Variants in TSHR observed in about 807,000 individuals in gnomAD.
The protein encoded by TSHR is thyroid stimulating hormone receptor, also known as thyrotropin receptor.
A neutral mutation model predicts 64.1 loss-of-function variants in TSHR; 51 were observed. The observed-to-expected ratio is 0.80, with a 90% confidence interval of 0.64 to 1.01. The LOEUF is 1.01. Among genes scored for constraint, TSHR ranks in the 50% least tolerant of loss-of-function variants. The pLI, the probability that TSHR is intolerant of heterozygous loss-of-function variation, is 0.00. For synonymous variants in TSHR, 361 were observed against 361.9 expected (o/e 1.00, Z 0.03); for missense variants, 877 against 942.8 (o/e 0.93, Z 0.91).
intron 1 of TSHR, among the ~76,000 whole-genome samples, chr14:80,984,539 G>A (rs1319072008): frequency 6.6e-6 from 1 of 152,164 alleles, no homozygotes; most frequent in Non-Finnish European, 1.5e-5. Flanking sequence ...CAGCAGGCAG[G>A]TGGCATAGCT....
intron 8 of TSHR, among the ~76,000 whole-genome samples, chr14:81,124,719 T>C (rs1001116142): frequency 4.6e-5 from 7 of 151,132 alleles, no homozygotes; most frequent in Non-Finnish European, 4.4e-5. Flanking sequence ...CATTTTTTTT[T>C]ATTCTAGCCA....
intron 1 of TSHR, among the ~76,000 whole-genome samples, chr14:81,004,741 A>G (rs75453896): frequency 0.1 from 15,572 of 152,150 alleles, 994 homozygotes; most frequent in South Asian, 0.21. Flanking sequence ...GTCTGTCACA[A>G]TAGCCTGCCT....
At position 81,068,112 on chromosome 14, in the gene TSHR, C is replaced by T. The variant is rs1472504263; in HGVS notation, c.243-142C>T. 6 of 687,500 alleles carry T rather than the reference C, an allele frequency of 8.7e-6. No individual in the cohort carries two copies. The African/African-American group carries it at 9.1e-5, about 10-fold the overall frequency. 42.6% of individuals were successfully genotyped at this position (687,500 alleles called of 1,614,324 possible). A position where few individuals can be genotyped will look rare whatever the true frequency, so the allele number is the denominator to read the frequency against. Reference sequence around the variant, plus strand: ...AAAAAAAAGTAGTAAGTAATTTTAACATAATTTGGCAGAATCCATGAGGGT... The same window carrying T: ...AAAAAAAAGTAGTAAGTAATTTTAATATAATTTGGCAGAATCCATGAGGGT... On this transcript the variant is annotated intron_variant, in intron 2 of 9. Coordinates refer to ENST00000298171, the MANE Select transcript of TSHR (RefSeq NM_000369.5).
At chr14:81,114,265 T>C (rs1890371385) in intron 8 of TSHR, among the ~76,000 whole-genome samples, 1 of 151,866 alleles carries the variant, frequency 6.6e-6, no homozygotes, top group African/African-American at 2.4e-5. Flanking sequence ...CCATCTGAGG[T>C]ACCAGGTTCA....
chr14:80,982,335 G>A, intron 1 of TSHR: 1 of 1,222,320 alleles, frequency 8.2e-7, no homozygotes, highest in East Asian at 2.6e-5. Flanking sequence ...CTGAGGAAGA[G>A]GCCACTATCA....
intron 3 of TSHR, among the ~76,000 whole-genome samples, chr14:81,082,958 C>T (rs984939222): frequency 2.6e-5 from 4 of 151,890 alleles, no homozygotes; most frequent in Non-Finnish European, 2.9e-5. Flanking sequence ...TCAAATGCCA[C>T]GATCCAATGC....
intron 2 of TSHR, among the ~76,000 whole-genome samples, chr14:81,066,696 G>C (rs1886636848): frequency 6.6e-6 from 1 of 152,102 alleles, no homozygotes; most frequent in South Asian, 2.1e-4. Flanking sequence ...AGAAGCTTTT[G>C]AAAAATAAAA....
intron 7 of TSHR, among the ~76,000 whole-genome samples, chr14:81,100,645 A>G (rs1007471787): frequency 6.6e-6 from 1 of 152,238 alleles, no homozygotes; most frequent in African/African-American, 2.4e-5. Context: ...GGGTTCCCCC[A>G]GTCCCCTCCT....
At chr14:80,968,702 A>G (rs927153799) in intron 1 of TSHR, among the ~76,000 whole-genome samples, 2 of 152,064 alleles carry the variant, frequency 1.3e-5, no homozygotes, top group African/African-American at 4.8e-5. Context: ...CTCCTTCACC[A>G]TTATCTGTGG....
At chr14:81,087,680 T>C in intron 3 of TSHR, 1 of 439,274 alleles carries the variant, frequency 2.3e-6, no homozygotes, top group Non-Finnish European at 4.1e-6. Context: ...AAAATTCTGA[T>C]ACTACAATTA....
chr14:81,136,023 T>C (rs1474975103), intron 8 of TSHR, among the ~76,000 whole-genome samples: 4 of 152,188 alleles, frequency 2.6e-5, no homozygotes, highest in Non-Finnish European at 5.9e-5. Flanking sequence ...TGTCTTCAAG[T>C]ATAATAGATT....
At chr14:80,998,555 A>G (rs1185339399) in intron 1 of TSHR, among the ~76,000 whole-genome samples, 1 of 151,936 alleles carries the variant, frequency 6.6e-6, no homozygotes, top group African/African-American at 2.4e-5. Context: ...CATACTAGAG[A>G]ATTTTAAATG....
intron 1 of TSHR, among the ~76,000 whole-genome samples, chr14:81,045,939 A>T (rs1885149694): frequency 6.6e-6 from 1 of 152,216 alleles, no homozygotes; most frequent in Admixed American, 6.5e-5. Flanking sequence ...TTCAGATGAC[A>T]AATGGGCTTT....
chr14:81,132,065 C>T (rs972416812), intron 8 of TSHR, among the ~76,000 whole-genome samples: 8 of 152,096 alleles, frequency 5.3e-5, no homozygotes, highest in Non-Finnish European at 1.2e-4. Context: ...TGAATTTATA[C>T]CTTTTAAACC....
intron 3 of TSHR, among the ~76,000 whole-genome samples, chr14:81,087,286 AC>A (rs1398172909): frequency 6.6e-6 from 1 of 152,236 alleles, no homozygotes; most frequent in African/African-American, 2.4e-5. Flanking sequence ...GTTTAATTTA[AC>A]CAGTGAGAGT....
chr14:80,966,966 C>T (rs1221795931), intron 1 of TSHR, among the ~76,000 whole-genome samples: 2 of 152,078 alleles, frequency 1.3e-5, no homozygotes, highest in Non-Finnish European at 2.9e-5. Context: ...AAGGGTTCCA[C>T]ACTCATAAAC....
chr14:81,045,959 T>C (rs1030738069), intron 1 of TSHR, among the ~76,000 whole-genome samples: 5 of 152,116 alleles, frequency 3.3e-5, no homozygotes, highest in African/African-American at 9.7e-5. Context: ...TTCTGGAGAG[T>C]CCAAGATGGC....
Sources: allele counts gnomAD v4.1 joint callset (sites outside exome capture counted in the v4.1 genomes callset), GRCh38; gene constraint gnomAD v4.1.1; transcripts MANE v1.5; gene names NCBI Gene and HGNC (gene_info 2026-07-23, HGNC 2026-07-21).